The following FECH variants were observed in gnomAD, a reference collection of about 807,000 sequenced individuals.
The protein encoded by FECH is ferrochelatase.
A neutral mutation model predicts 56.9 loss-of-function variants in FECH; 40 were observed. The ratio of observed to expected loss-of-function variants is 0.70; its 90% CI spans 0.55 to 0.92. The LOEUF is 0.92. Among genes scored for constraint, FECH ranks in the 40% least tolerant of loss-of-function variants. The pLI is 0.00. For missense variants in FECH, 431 were observed against 529.1 expected (o/e 0.81, Z 1.82); for synonymous variants, 175 against 198.6 (o/e 0.88, Z 1.00).
Position 57,566,550 on chromosome 18 carries a change from G to T in FECH, c.495C>A (p.Tyr165Ter), listed in dbSNP as rs752506843. 1 of 1,614,070 alleles carries T rather than the reference G, an allele frequency of 6.2e-7. No individual in the cohort carries two copies. The highest frequency in any genetic ancestry group is 8.5e-7 in the Non-Finnish European group (1 of 1,179,990). The change falls in exon 5 of 11, where the codon TAC becomes TAA. Residue 165 changes from tyrosine (Y) to a stop codon, truncating the protein, a stop_gained. Transcript: ENST00000262093. LOFTEE classifies it high-confidence loss of function. ...TTGCTTCTTCTGTTAAAGGATGGAC[G>T]TACCGAAATCCAATATAGTATTTGT... is the stretch of plus-strand genomic sequence containing the variant. ...APHKYYIGFR[Y>*]VHPLTEEAIE...
intron 7 of FECH, 66 bp from the exon 8 acceptor site, chr18:57,555,018 T>C: frequency 2.4e-6 from 3 of 1,242,688 alleles, no homozygotes; most frequent in South Asian, 2.4e-5. Context: ...CCTCTGACTA[T>C]GTGCTGACAC....
chr18:57,575,446 T>C (rs1040302633), intron 2 of FECH, among the ~76,000 whole-genome samples: 6 of 151,954 alleles, frequency 3.9e-5, no homozygotes, highest in Non-Finnish European at 8.8e-5. Flanking sequence ...ATCTTTTTTG[T>C]TTTTGTTTTT....
intron 2 of FECH, among the ~76,000 whole-genome samples, chr18:57,577,140 G>C (rs778636064): frequency 6.6e-6 from 1 of 152,102 alleles, no homozygotes; most frequent in Non-Finnish European, 1.5e-5. Context: ...TACGATCCCA[G>C]CTCTTCATTA....
In FECH at chr18:57,554,848, G is replaced by C; in HGVS notation, c.909C>G (p.Ser303=). 1.2e-6 allele frequency: 2 copies of C among 1,613,512 alleles called. No homozygotes were observed. Among genetic ancestry groups the C allele is most frequent in the Non-Finnish European group, 1.7e-6 (2 of 1,179,466 alleles). The change falls in exon 8 of 11, where the codon TCC becomes TCG. Residue 303 remains serine (S), a synonymous_variant. Transcript: ENST00000262093. ...CGCCAGTGTGGAAGCCACTTACCTT[G>C]GATTGCCACACCAGTCGGTAGGGGT... The part of the protein sequence containing the change: ...YCNPYRLVWQ[S]KVGPMPWLGP...
At chr18:57,574,648 G>T (rs1275795396) in intron 2 of FECH, among the ~76,000 whole-genome samples, 1 of 152,246 alleles carries the variant, frequency 6.6e-6, no homozygotes, top group East Asian at 1.9e-4. Flanking sequence ...CCACTCCTAA[G>T]CCCCGCCAGA....
chr18:57,570,498 A>G (rs1205367150), intron 4 of FECH, among the ~76,000 whole-genome samples: 1 of 152,230 alleles, frequency 6.6e-6, no homozygotes, highest in Non-Finnish European at 1.5e-5. Flanking sequence ...GTCAGAAAAG[A>G]GTGAAATGCT....
intron 2 of FECH, among the ~76,000 whole-genome samples, chr18:57,577,910 G>C (rs770393942): frequency 2.0e-5 from 3 of 151,934 alleles, no homozygotes; most frequent in African/African-American, 4.8e-5. Context: ...TAAGAAGACA[G>C]AGAGAGACAA....
chr18:57,557,359 C>T (rs986617836), intron 7 of FECH, among the ~76,000 whole-genome samples: 3 of 152,212 alleles, frequency 2.0e-5, no homozygotes, highest in African/African-American at 7.2e-5. Flanking sequence ...CCATACCTGA[C>T]TTATCCTTAT....
At chr18:57,566,377 G>A in intron 5 of FECH, 70 bp downstream of exon 5, 6 of 1,604,692 alleles carry the variant, frequency 3.7e-6, no homozygotes, top group Non-Finnish European at 5.1e-6. Context: ...CTTCCCTTCA[G>A]TACTTAGACT....
At chr18:57,552,337 CCTTTT>C (rs1245028679) in intron 9 of FECH, among the ~76,000 whole-genome samples, 2 of 151,350 alleles carry the variant, frequency 1.3e-5, no homozygotes, top group South Asian at 2.1e-4. Flanking sequence ...CTTCTCTTTC[CCTTTT>C]CTTTTGATAG....
chr18:57,564,341 A>G (rs1411219162), intron 5 of FECH, among the ~76,000 whole-genome samples: 1 of 152,204 alleles, frequency 6.6e-6, no homozygotes, highest in Admixed American at 6.5e-5. Context: ...CTCAAAGCCT[A>G]AAGGAAGGCA....
At chr18:57,563,095 T>G in intron 5 of FECH, 115 bp from the exon 6 acceptor site, 1 of 777,126 alleles carries the variant, frequency 1.3e-6, no homozygotes, top group Non-Finnish European at 2.2e-6. Context: ...CTTTACTGAA[T>G]CAGTCTAATT....
At chr18:57,581,960 AGATTCCATAAAGAAGTTCAATT>A (rs2051285117) in intron 1 of FECH, among the ~76,000 whole-genome samples, 1 of 152,196 alleles carries the variant, frequency 6.6e-6, no homozygotes, top group Admixed American at 6.5e-5. Context: ...GGAAGTGCAA[AGATTCCATAAAGAAGTTCAATT>A]CCATCTGGTT....
At position 57,550,218 on chromosome 18, in the gene FECH, T is replaced by C. The variant is rs1335976486; in HGVS notation, c.*494A>G. 1 of 153,472 alleles carries C rather than the reference T, an allele frequency of 6.5e-6. No individual in the cohort carries two copies. The highest frequency in any genetic ancestry group is 1.5e-5 in the Non-Finnish European group (1 of 68,912). The allele number at this position is 153,472 out of a possible 1,614,324, so 9.5% of individuals were successfully genotyped here. On this transcript the variant is annotated 3_prime_UTR_variant, in exon 11 of 11. Coordinates refer to ENST00000262093, the MANE Select transcript of FECH (RefSeq NM_000140.5). ...ACCAAATTGCCTCCCTAGCATTCTGTAACCCATGGGCTTAGGGAAAGATTA... is the reference window on the plus strand; with the variant it reads ...ACCAAATTGCCTCCCTAGCATTCTGCAACCCATGGGCTTAGGGAAAGATTA...
intron 7 of FECH, among the ~76,000 whole-genome samples, chr18:57,558,208 A>G (rs2050892680): frequency 1.3e-5 from 2 of 152,250 alleles, no homozygotes; most frequent in African/African-American, 4.8e-5. Context: ...GTTTTAGGAT[A>G]GAATGCTAGT....
intron 10 of FECH, 81 bp from the exon 11 acceptor site, chr18:57,550,927 G>A (rs2122237599): frequency 6.3e-7 from 1 of 1,582,674 alleles, no homozygotes; most frequent in Non-Finnish European, 8.6e-7. Context: ...CAGCTGCCCA[G>A]GTCAGCGCTC....
intron 6 of FECH, 34 bp from the exon 7 acceptor site, chr18:57,559,277 A>AAGGGAAGAAAGAAATGG: frequency 7.2e-7 from 1 of 1,386,516 alleles, no homozygotes; most frequent in Non-Finnish European, 1.0e-6. Flanking sequence ...GATAAAGAGG[A>AAGGGAAGAAAGAAATGG]AGGGAAGAAA....
chr18:57,566,560 C>T lies in FECH; in HGVS notation c.485G>A (p.Gly162Glu). ...PNTAPHKYYI[G>E]FRYVHPLTEE... ...TGTTAAAGGATGGACGTACCGAAAT[C>T]CAATATAGTATTTGTGAGGGGCTAT... Residue 162 changes from glycine (G) to glutamate (E), a missense_variant, in exon 5 of 11, where the codon GGA becomes GAA. Transcript: ENST00000262093. 6.2e-7 allele frequency: 1 copy of T among 1,614,100 alleles called. No homozygotes were observed. Among genetic ancestry groups the T allele is most frequent in the Non-Finnish European group, 8.5e-7 (1 of 1,179,990 alleles).
chr18:57,563,398 G>A (rs2742261), intron 5 of FECH, among the ~76,000 whole-genome samples: 112,111 of 151,654 alleles, frequency 0.74, 42,663 homozygotes, highest in African/African-American at 0.92. Context: ...CCTGACCAAC[G>A]TGGAGAAACC....
Sources: gnomAD v4.1 joint callset for allele counts (sites outside exome capture counted in the v4.1 genomes callset) on GRCh38, gnomAD v4.1.1 for gene constraint, MANE v1.5 for transcripts, NCBI Gene and HGNC (gene_info 2026-07-23, HGNC 2026-07-21) for gene names.